KSR2: variants seen among roughly 807,000 people sequenced by gnomAD.
The protein encoded by KSR2 is kinase suppressor of ras 2.
Under a neutral mutation model 107.8 loss-of-function variants are expected in KSR2, and 25 were observed. The observed-to-expected ratio is 0.23, with a 90% confidence interval of 0.17 to 0.32. The LOEUF (loss-of-function observed/expected upper bound fraction) is 0.32. Ranked by LOEUF, KSR2 falls within the 10% of genes least tolerant of loss-of-function variation. The probability of loss-of-function intolerance (pLI) is 1.00; values close to 1 mark genes in which losing one functional copy is unlikely to be tolerated. For synonymous variants in KSR2, 480 were observed against 507.0 expected (o/e 0.95, Z 0.71); for missense variants, 887 against 1,268.9 (o/e 0.70, Z 4.57).
At chr12:117,467,837 A>AC in intron 19 of KSR2, 1 of 451,464 alleles carries the variant, frequency 2.2e-6, no homozygotes, top group Non-Finnish European at 4.4e-6. Context: ...TGAATAAAAA[A>AC]AAAAAATGAA....
intron 1 of KSR2, among the ~76,000 whole-genome samples, chr12:117,939,970 C>T (rs1158665627): frequency 6.6e-6 from 1 of 151,706 alleles, no homozygotes; most frequent in African/African-American, 2.4e-5. Context: ...CACACACACA[C>T]ACACACACAC....
At chr12:117,636,036 C>A (rs1049361534) in intron 5 of KSR2, among the ~76,000 whole-genome samples, 1 of 152,202 alleles carries the variant, frequency 6.6e-6, no homozygotes, top group African/African-American at 2.4e-5. Flanking sequence ...AGGTAATTCA[C>A]CTGCCTTGGC....
At chr12:117,486,106 T>C (rs529525782) in intron 14 of KSR2, among the ~76,000 whole-genome samples, 44 of 152,268 alleles carry the variant, frequency 2.9e-4, no homozygotes, top group African/African-American at 9.1e-4. Flanking sequence ...GTGAGGACAG[T>C]GATGAAAGAC....
intron 4 of KSR2, among the ~76,000 whole-genome samples, chr12:117,739,285 G>A (rs1365526633): frequency 1.3e-5 from 2 of 152,040 alleles, no homozygotes; most frequent in Non-Finnish European, 1.5e-5. Flanking sequence ...AACCTGGGAG[G>A]AGGAGCTTGC....
intron 1 of KSR2, among the ~76,000 whole-genome samples, chr12:117,932,505 C>T (rs1031338712): frequency 6.6e-5 from 10 of 152,090 alleles, no homozygotes; most frequent in African/African-American, 9.7e-5. Context: ...CACTTGAGCC[C>T]AGGAGTTCAA....
chr12:117,618,028 CA>C (rs1187202860), intron 5 of KSR2, among the ~76,000 whole-genome samples: 1 of 152,130 alleles, frequency 6.6e-6, no homozygotes, highest in East Asian at 1.9e-4. Flanking sequence ...TCAGTCATGT[CA>C]TTTTATGTCC....
intron 3 of KSR2, among the ~76,000 whole-genome samples, chr12:117,826,531 A>G (rs1011618968): frequency 6.6e-5 from 10 of 152,086 alleles, no homozygotes; most frequent in African/African-American, 2.4e-4. Context: ...AAAAAAAACC[A>G]TTTAAAATAC....
intron 4 of KSR2, among the ~76,000 whole-genome samples, chr12:117,692,170 G>C (rs534337660): frequency 2.0e-5 from 3 of 152,160 alleles, no homozygotes; most frequent in Admixed American, 2.0e-4. Context: ...CTCCGAAGGA[G>C]ATACATAAAT....
At chr12:117,480,976 C>T (rs190483380) in intron 16 of KSR2, among the ~76,000 whole-genome samples, 1 of 152,030 alleles carries the variant, frequency 6.6e-6, no homozygotes, top group Non-Finnish European at 1.5e-5. Flanking sequence ...GTAGGAGGAT[C>T]GCTTGAGCCT....
chr12:117,816,868 A>G (rs1172955381), intron 3 of KSR2, among the ~76,000 whole-genome samples: 2 of 152,218 alleles, frequency 1.3e-5, no homozygotes, highest in Non-Finnish European at 2.9e-5. Flanking sequence ...GTCTGCCCAT[A>G]GTTCATTAGC....
intron 14 of KSR2, among the ~76,000 whole-genome samples, chr12:117,502,014 C>T (rs2137177712): frequency 6.6e-6 from 1 of 152,340 alleles, no homozygotes; most frequent in Non-Finnish European, 1.5e-5. Flanking sequence ...TCAAAACGGC[C>T]ATTGGGAGGA....
chr12:117,892,288 G>C (rs1026249473), intron 1 of KSR2, among the ~76,000 whole-genome samples: 1 of 152,170 alleles, frequency 6.6e-6, no homozygotes, highest in Non-Finnish European at 1.5e-5. Flanking sequence ...TGGGCAACAA[G>C]AGCAAGACTC....
chr12:117,968,216 G>T lies in KSR2; in HGVS notation c.40C>A (p.Pro14Thr). ...ENMTKSEEQQ[P>T]LSLQKALQQC... ...TGTAAGGCTTTTTGCAAACTCAGAG[G>T]CTGCTGCTCCTCGCTTTTCGTCATG... is the stretch of plus-strand genomic sequence containing the variant. The change falls in exon 1 of 20, where the codon CCT becomes ACT. Residue 14 changes from proline (P) to threonine (T), a missense_variant. Coordinates refer to ENST00000339824, the MANE Select transcript of KSR2 (RefSeq NM_173598.6). The T allele has an allele frequency of 6.2e-7, 1 of 1,603,988 alleles. No homozygotes were observed.
At chr12:117,961,636 C>T (rs185837604) in intron 1 of KSR2, among the ~76,000 whole-genome samples, 4 of 152,284 alleles carry the variant, frequency 2.6e-5, no homozygotes, top group Admixed American at 6.5e-5. Context: ...GAGAGAAAGT[C>T]TCAGCTTTCC....
rs892410982 is a variant in KSR2, at chr12:117,852,118, T to A, written c.472+3310A>T. Among the ~76,000 whole-genome samples the A allele has an allele frequency of 8.6e-5, 13 of 151,820 alleles. 1 individual carries two copies. The highest frequency in any genetic ancestry group is 2.7e-4 in the African/African-American group (11 of 41,334). On this transcript the variant is annotated intron_variant, in intron 3 of 19. Transcript: ENST00000339824. ...GTACTGTCCATCTGGATCAAAAAAA[T>A]TTTTAAAAAGATCAGAGGACAGGGC...
At chr12:117,852,297 A>G (rs2137211292) in intron 3 of KSR2, among the ~76,000 whole-genome samples, 1 of 151,388 alleles carries the variant, frequency 6.6e-6, no homozygotes, top group African/African-American at 2.4e-5. Flanking sequence ...GCGTGGTGGC[A>G]TGCACCTGTA....
chr12:117,574,027 T>C (rs1016328598), intron 7 of KSR2, among the ~76,000 whole-genome samples: 1 of 152,106 alleles, frequency 6.6e-6, no homozygotes, highest in Admixed American at 6.5e-5. Context: ...TAAAGCTTGA[T>C]TTTGTTTTTT....
chr12:117,940,871 A>G (rs1387621147), intron 1 of KSR2, among the ~76,000 whole-genome samples: 5 of 152,098 alleles, frequency 3.3e-5, no homozygotes, highest in Admixed American at 3.3e-4. Flanking sequence ...GGATCACTTC[A>G]GGCCACGAGT....
intron 1 of KSR2, among the ~76,000 whole-genome samples, chr12:117,938,067 C>G (rs1895899913): frequency 6.6e-6 from 1 of 151,166 alleles, no homozygotes; most frequent in Non-Finnish European, 1.5e-5. Context: ...TCTCCTAACT[C>G]TTGGCATTTG....
Sources: gnomAD v4.1 joint callset for allele counts (sites outside exome capture counted in the v4.1 genomes callset) on GRCh38, gnomAD v4.1.1 for gene constraint, MANE v1.5 for transcripts, NCBI Gene and HGNC (gene_info 2026-07-23, HGNC 2026-07-21) for gene names.